Variants in DBT observed in about 807,000 individuals in gnomAD.
DBT encodes lipoamide acyltransferase component of branched-chain alpha-keto acid dehydrogenase complex, mitochondrial.
Under a neutral mutation model 51.3 loss-of-function variants are expected in DBT, and 40 were observed. The ratio of observed to expected loss-of-function variants is 0.78; its 90% CI spans 0.61 to 1.02. DBT has a LOEUF of 1.02. DBT is among the 50% of genes least tolerant of loss of function. The probability of loss-of-function intolerance (pLI) is 0.00; values close to 1 mark genes in which losing one functional copy is unlikely to be tolerated. For synonymous variants in DBT, 181 were observed against 190.4 expected, an observed-to-expected ratio of 0.95 and a Z score of 0.41; for missense variants, 510 against 580.2, an observed-to-expected ratio of 0.88 and a Z score of 1.24.
intron 4 of DBT, 57 bp from the exon 5 acceptor site, chr1:100,218,804 G>C (rs570410060): frequency 1.4e-6 from 2 of 1,455,426 alleles, no homozygotes; most frequent in African/African-American, 2.8e-5. Context: ...TTTTTACTAA[G>C]ATGTAAAGTA....
intron 4 of DBT, among the ~76,000 whole-genome samples, chr1:100,220,168 G>C (rs1252202321): frequency 6.6e-6 from 1 of 151,936 alleles, no homozygotes; most frequent in Non-Finnish European, 1.5e-5. Flanking sequence ...AAAGAAAAAA[G>C]AACTGCTGTG....
At chr1:100,235,302 C>A in intron 3 of DBT, 134 bp downstream of exon 3, 1 of 576,362 alleles carries the variant, frequency 1.7e-6, no homozygotes, top group Non-Finnish European at 3.1e-6. Context: ...TTTAAAAATG[C>A]ATTATGTGTT....
chr1:100,214,634 T>A (rs1005374552), intron 7 of DBT, among the ~76,000 whole-genome samples, 183 bp downstream of exon 7: 1 of 152,126 alleles, frequency 6.6e-6, no homozygotes, highest in African/African-American at 2.4e-5. Flanking sequence ...GGTGCCTGTA[T>A]TCCCAGCTAC....
At position 100,196,321 on chromosome 1, in the gene DBT, T is replaced by C; in HGVS notation, c.1383A>G (p.Ser461=). 6.2e-7 allele frequency: 1 copy of C among 1,610,374 alleles called. No homozygotes were observed. Among genetic ancestry groups the C allele is most frequent in the Non-Finnish European group, 8.5e-7 (1 of 1,179,726 alleles). ...AGGATTTCCACAAATTGGAGAAGCG[T>C]GACATTGTAGCACCATCAATAACTC... ...DHRVIDGATM[S]RFSNLWKSYL... is the part of the protein sequence containing the mutation. Residue 461 remains serine (S), a synonymous_variant, in exon 11 of 11, where the codon TCA becomes TCG. Transcript: ENST00000370132.
Position 100,194,353 on chromosome 1 carries a change from T to C in DBT, c.*1902A>G, listed in dbSNP as rs958048704. 1.3e-5 allele frequency: 2 copies of C among 151,836 alleles called. No homozygotes were observed. The highest frequency in any genetic ancestry group is 4.8e-5 in the African/African-American group (2 of 41,276). 9.4% of individuals were successfully genotyped at this position (151,836 alleles called of 1,614,324 possible). ...TGGCTTTTTGGTTTTTTTTTTTTTT[T>C]CTGAGACAAAGTGTTGCTCTGCCAC... On this transcript the variant is annotated 3_prime_UTR_variant, in exon 11 of 11. Transcript: ENST00000370132.
intron 8 of DBT, 132 bp downstream of exon 8, chr1:100,210,562 G>A: frequency 8.1e-7 from 1 of 1,239,478 alleles, no homozygotes; most frequent in Non-Finnish European, 1.1e-6. Context: ...TAAGTTTAAT[G>A]TTTTACCCCA....
chr1:100,204,295 C>T (rs533182638), intron 10 of DBT, among the ~76,000 whole-genome samples: 1 of 152,270 alleles, frequency 6.6e-6, no homozygotes, highest in Admixed American at 6.5e-5. Flanking sequence ...CACAAGCATT[C>T]CTATACACCA....
Position 100,189,404 on chromosome 1 carries a change from A to G in DBT, c.*6851T>C, listed in dbSNP as rs1660709872. ...TTATTTTGATGGGATAGCAAGGATA[A>G]CATGAACCATGTAAGGTTTGGCATA... is the stretch of plus-strand genomic sequence containing the variant. On this transcript the variant is annotated 3_prime_UTR_variant, in exon 11 of 11. Transcript: ENST00000370132. 1 of 152,088 alleles carries G rather than the reference A, an allele frequency of 6.6e-6. No homozygotes were observed. Among genetic ancestry groups the G allele is most frequent in the African/African-American group, 2.4e-5 (1 of 41,396 alleles). The allele number at this position is 152,088 out of a possible 1,614,324, so 9.4% of individuals were successfully genotyped here.
At chr1:100,197,557 G>A (rs951251959) in intron 10 of DBT, among the ~76,000 whole-genome samples, 1 of 152,132 alleles carries the variant, frequency 6.6e-6, no homozygotes, top group African/African-American at 2.4e-5. Flanking sequence ...GTGTATAAAT[G>A]GTATTGAAAG....
Position 100,216,153 on chromosome 1 carries a change from A to C in DBT, c.602T>G (p.Leu201Arg), listed in dbSNP as rs750553199. 9.9e-6 allele frequency: 16 copies of C among 1,614,048 alleles called. No homozygotes were observed. The South Asian group carries it at 1.8e-4, about 18-fold the overall frequency. The change falls in exon 6 of 11, where the codon CTT (leucine) becomes CGT (arginine). Residue 201 changes from leucine (L) to arginine (R), a missense_variant. Coordinates refer to ENST00000370132, the MANE Select transcript of DBT (RefSeq NM_001918.5). ...VVGSGKDGRI[L>R]KEDILNYLEK... is the part of the protein sequence containing the mutation. ...CAAATAGTTGAGGATATCTTCTTTA[A>C]GTATTCTGCCATCTTTTCCTGAGCC...
intron 6 of DBT, 52 bp from the exon 7 acceptor site, chr1:100,215,035 T>TA (rs2100797702): frequency 1.8e-6 from 2 of 1,115,926 alleles, no homozygotes; most frequent in African/African-American, 1.9e-5. Flanking sequence ...AATCTCTTCA[T>TA]CCTTTTTTTT....
At chr1:100,201,207 A>C (rs1661416492) in intron 10 of DBT, among the ~76,000 whole-genome samples, 1 of 152,110 alleles carries the variant, frequency 6.6e-6, no homozygotes, top group Middle Eastern at 3.2e-3. Flanking sequence ...AGAAGAACAT[A>C]AATGACCTGA....
At chr1:100,230,616 A>C in intron 4 of DBT, 117 bp downstream of exon 4, 1 of 608,322 alleles carries the variant, frequency 1.6e-6, no homozygotes. Flanking sequence ...AGAGCTAAAA[A>C]TAAATAGGAA....
intron 2 of DBT, among the ~76,000 whole-genome samples, chr1:100,239,851 C>CGAAA: frequency 9.0e-6 from 1 of 111,204 alleles, no homozygotes; most frequent in East Asian, 2.4e-4. Flanking sequence ...CAACAGAGCT[C>CGAAA]AAAAAAAAAA....
chr1:100,198,688 A>C (rs1438636694), intron 10 of DBT, among the ~76,000 whole-genome samples: 1 of 152,228 alleles, frequency 6.6e-6, no homozygotes, highest in African/African-American at 2.4e-5. Flanking sequence ...GTTATAACTC[A>C]GAGAACTGAT....
intron 5 of DBT, among the ~76,000 whole-genome samples, chr1:100,216,914 G>A (rs72973766): frequency 0.032 from 4,828 of 152,036 alleles, 288 homozygotes; most frequent in African/African-American, 0.11. Context: ...AATTTCTTAG[G>A]GATAGGCCCC....
intron 1 of DBT, among the ~76,000 whole-genome samples, chr1:100,241,752 C>G (rs941205419): frequency 2.6e-5 from 4 of 152,144 alleles, no homozygotes; most frequent in Non-Finnish European, 5.9e-5. Context: ...GGCGCGGTGG[C>G]TCACGCCTGT....
At position 100,189,350 on chromosome 1, in the gene DBT, TTA is replaced by T. The variant is rs1491341361; in HGVS notation, c.*6903_*6904del. The T allele has an allele frequency of 3.9e-5, 1 of 25,974 alleles. No individual in the cohort carries two copies. Among genetic ancestry groups the T allele is most frequent in the Non-Finnish European group, 9.8e-5 (1 of 10,214 alleles). 1.6% of individuals were successfully genotyped at this position (25,974 alleles called of 1,614,324 possible). On this transcript the variant is annotated 3_prime_UTR_variant, in exon 11 of 11. Transcript: ENST00000370132. ...ACAGAGTGAGACTCCATCTCAAAAA[TTA>T]AAAAAAAAAAAAAAAAAAGCCTGTG...
intron 4 of DBT, among the ~76,000 whole-genome samples, chr1:100,219,417 G>A (rs147454709): frequency 2.0e-5 from 3 of 151,880 alleles, no homozygotes; most frequent in African/African-American, 4.8e-5. Context: ...TAAACAGCAC[G>A]GAATAAGGAT....
Sources: allele counts gnomAD v4.1 joint callset (sites outside exome capture counted in the v4.1 genomes callset), GRCh38; gene constraint gnomAD v4.1.1; transcripts MANE v1.5; gene names NCBI Gene and HGNC (gene_info 2026-07-23, HGNC 2026-07-21).